The following HEYL variants were observed in gnomAD, a reference collection of about 807,000 sequenced individuals.
HEYL encodes the protein hes related family bHLH transcription factor with YRPW motif like.
HEYL carries 12 observed loss-of-function variants against 18.6 expected under a neutral mutation model. The observed-to-expected ratio is 0.65, with a 90% CI of 0.41 to 1.05. The LOEUF (loss-of-function observed/expected upper bound fraction) is 1.05. Ranked by LOEUF, HEYL falls within the 50% of genes least tolerant of loss-of-function variation. The pLI, the probability that HEYL is intolerant of heterozygous loss-of-function variation, is 0.00. For missense variants in HEYL, 420 were observed against 444.7 expected (o/e 0.94, Z 0.50); for synonymous variants, 159 against 179.6 (o/e 0.89, Z 0.91).
rs753530680 is a variant in HEYL, at chr1:39,632,636, G to A, written c.147+13C>T. The A allele has an allele frequency of 6.2e-7, 1 of 1,612,016 alleles. No individual in the cohort carries two copies. On this transcript the variant is annotated intron_variant, in intron 2 of 4. Transcript: ENST00000372852. The stretch of plus-strand genomic sequence containing the variant: ...CTTTGTTGGTCAACTCAGAGGCTGA[G>A]ACGGACACTCACCCCTCTGTGTTTC...
At chr1:39,632,615 G>A in intron 2 of HEYL, 34 bp downstream of exon 2, 1 of 1,588,050 alleles carries the variant, frequency 6.3e-7, no homozygotes, top group Non-Finnish European at 8.6e-7. Context: ...GCAACCCTTT[G>A]TTGGTCAACT....
intron 1 of HEYL, chr1:39,632,950 T>TCGC (rs1646343056): frequency 2.4e-5 from 24 of 984,746 alleles, no homozygotes; most frequent in Non-Finnish European, 2.7e-5. Context: ...TCCTCGCTCC[T>TCGC]CGCCCCTCGC....
intron 1 of HEYL, chr1:39,633,595 G>C (rs952510008): frequency 3.9e-5 from 6 of 152,342 alleles, no homozygotes; most frequent in African/African-American, 9.7e-5. Context: ...GGTGCACTCA[G>C]CCAGACCCCA....
At chr1:39,635,664 A>C (rs1427046628) in intron 1 of HEYL, among the ~76,000 whole-genome samples, 1 of 152,190 alleles carries the variant, frequency 6.6e-6, no homozygotes, top group Non-Finnish European at 1.5e-5. Context: ...AGGGAGCTAA[A>C]GCAGGTTGCC....
chr1:39,627,237 G>A, intron 4 of HEYL, 57 bp from the exon 5 acceptor site: 2 of 1,493,744 alleles, frequency 1.3e-6, no homozygotes, highest in Non-Finnish European at 1.8e-6. Flanking sequence ...CATGGAGCCT[G>A]GGTCTGACTG....
rs199521829 is a variant in HEYL at position 39,626,565 on chromosome 1, G to A, written c.929C>T (p.Ala310Val). ...SSSPGPAGRP[A>V]GAMLYHSWVS... The stretch of plus-strand genomic sequence containing the variant: ...CCAGGAGTGGTAGAGCATGGCTCCC[G>A]CTGGCCTCCCAGCTGGCCCTGGGGA... Residue 310 changes from alanine (A) to valine (V), a missense_variant, in exon 5 of 5, where the codon GCG becomes GTG. By Grantham distance (64) the Ala-to-Val change is moderately conservative. Coordinates refer to ENST00000372852, the MANE Select transcript of HEYL (RefSeq NM_014571.4). 2.5e-5 allele frequency: 39 copies of A among 1,550,150 alleles called. No homozygotes were observed. The African/African-American group carries it at 2.7e-4, about 11-fold the overall frequency.
Position 39,626,806 on chromosome 1 carries a change from GGAT to G in HEYL, c.685_687del (p.Ile229del). The stretch of plus-strand genomic sequence containing the variant: ...GGCAGCACATTCCTCCGGGCTGGCA[GGAT>G]GATGCCTGTGGCTCTGCGAAGGGGA... On this transcript the variant is annotated inframe_deletion, in exon 5 of 5. Transcript: ENST00000372852. 1 of 1,563,174 alleles carries G rather than the reference GGAT, an allele frequency of 6.4e-7. No individual in the cohort carries two copies. Among genetic ancestry groups the G allele is most frequent in the Non-Finnish European group, 8.7e-7 (1 of 1,153,402 alleles).
At chr1:39,630,754 A>T (rs941433865) in intron 3 of HEYL, among the ~76,000 whole-genome samples, 1 of 152,192 alleles carries the variant, frequency 6.6e-6, no homozygotes, top group Non-Finnish European at 1.5e-5. Context: ...TGTGCCCAAG[A>T]TCTAGCTCAT....
rs187334708 is a variant in HEYL, at chr1:39,632,535, C to T, written c.147+114G>A. ...TAGTGACAGAGCCGGGATTTGAACC[C>T]AAGCAGTTAGCTTCATGGTGAAATT... On this transcript the variant is annotated intron_variant, in intron 2 of 4. Coordinates refer to ENST00000372852, the MANE Select transcript of HEYL (RefSeq NM_014571.4). 4.1e-4 allele frequency: 384 copies of T among 940,246 alleles called. No homozygotes were observed. The African/African-American group carries it at 5.8e-3, about 14-fold the overall frequency. 58.2% of individuals were successfully genotyped at this position (940,246 alleles called of 1,614,324 possible). A position where few individuals can be genotyped will look rare whatever the true frequency, so the allele number is the denominator to read the frequency against.
chr1:39,630,963 A>C (rs913258343), intron 3 of HEYL, among the ~76,000 whole-genome samples: 5 of 152,166 alleles, frequency 3.3e-5, no homozygotes, highest in African/African-American at 1.2e-4. Context: ...AGCATAAAGG[A>C]AGGCAGAGGA....
Position 39,631,483 on chromosome 1 carries a change from C to A in HEYL, c.231+13G>T, listed in dbSNP as rs760616348. Reference sequence around the variant, plus strand: ...ACAGTATTTCCTCTAGCACAATCAGCAATGTCACATACCTGTTTCTCAAAG... The same window carrying A: ...ACAGTATTTCCTCTAGCACAATCAGAAATGTCACATACCTGTTTCTCAAAG... On this transcript the variant is annotated intron_variant, in intron 3 of 4. Coordinates refer to ENST00000372852, the MANE Select transcript of HEYL (RefSeq NM_014571.4). 2.5e-6 allele frequency: 4 copies of A among 1,611,930 alleles called. No individual in the cohort carries two copies. The South Asian group carries it at 3.3e-5, about 13-fold the overall frequency.
Position 39,626,573 on chromosome 1 carries a change from CCCAGCTG to C in HEYL, c.914_920del (p.Pro305ArgfsTer59). 6.4e-7 allele frequency: 1 copy of C among 1,551,764 alleles called. No homozygotes were observed. Among genetic ancestry groups the C allele is most frequent in the Non-Finnish European group, 8.7e-7 (1 of 1,148,078 alleles). ...GGTAGAGCATGGCTCCCGCTGGCCT[CCCAGCTG>C]GCCCTGGGGAGGATGAGTTGGGGGT... On this transcript the variant is annotated frameshift_variant, in exon 5 of 5. Coordinates refer to ENST00000372852, the MANE Select transcript of HEYL (RefSeq NM_014571.4). LOFTEE classifies it high-confidence loss of function.
intron 1 of HEYL, 196 bp from the exon 2 acceptor site, chr1:39,632,911 C>A (rs1646342307): frequency 4.1e-6 from 4 of 985,398 alleles, no homozygotes; most frequent in Non-Finnish European, 4.8e-6. Context: ...TTGGTCCGGA[C>A]CTGCTCGGCC....
chr1:39,629,641 G>A (rs1433776794), intron 4 of HEYL, among the ~76,000 whole-genome samples: 1 of 152,248 alleles, frequency 6.6e-6, no homozygotes, highest in Admixed American at 6.5e-5. Flanking sequence ...CAAATACACA[G>A]AGAAACTTTG....
At position 39,626,996 on chromosome 1, in the gene HEYL, GGGCGTGGGC is replaced by G; in HGVS notation, c.489_497del (p.Pro164_Pro166del). The G allele has an allele frequency of 6.2e-7, 1 of 1,614,046 alleles. No homozygotes were observed. Among genetic ancestry groups the G allele is most frequent in the Non-Finnish European group, 8.5e-7 (1 of 1,180,006 alleles). ...AGGCAGGGAAGGCCAAAGGGCCAGT[GGGCGTGGGC>G]GAAGGCTCCATCTCGGCTGCGTAGC... On this transcript the variant is annotated inframe_deletion, in exon 5 of 5. Transcript: ENST00000372852.
Position 39,627,149 on chromosome 1 carries a change from G to T in HEYL, c.345C>A (p.Asp115Glu). Residue 115 changes from aspartate to glutamate, a missense_variant, in exon 5 of 5, where the codon GAC (aspartate) becomes GAA (glutamate). Asp to Glu is a conservative substitution (Grantham distance 45, BLOSUM62 2). Transcript: ENST00000372852. ...ACTCCCGAAAACCAATGCTCCGGAA[G>T]TCAACTGCCAGGGCTCGGGCATCAA... ...GFFDARALAVDFRSIGFRECL... is the reference protein window; with the variant it reads ...GFFDARALAVEFRSIGFRECL... 1 of 1,613,290 alleles carries T rather than the reference G, an allele frequency of 6.2e-7. No individual in the cohort carries two copies. Among genetic ancestry groups the T allele is most frequent in the Non-Finnish European group, 8.5e-7 (1 of 1,179,322 alleles).
At chr1:39,630,052 G>A (rs1646323591) in intron 4 of HEYL, among the ~76,000 whole-genome samples, 175 bp downstream of exon 4, 2 of 152,244 alleles carry the variant, frequency 1.3e-5, no homozygotes, top group Admixed American at 6.5e-5. Context: ...TGGAGACACT[G>A]AAAGTGGAGA....
At chr1:39,627,455 TA>T (rs1345057504) in intron 4 of HEYL, among the ~76,000 whole-genome samples, 1 of 152,240 alleles carries the variant, frequency 6.6e-6, no homozygotes, top group Non-Finnish European at 1.5e-5. Flanking sequence ...AATTCATGAT[TA>T]ATGCAAAGAA....
At chr1:39,632,747 G>A (rs756916218) in intron 1 of HEYL, 32 bp from the exon 2 acceptor site, 6 of 1,612,766 alleles carry the variant, frequency 3.7e-6, no homozygotes, top group Admixed American at 3.3e-5. Context: ...GATTTTTCAG[G>A]GCTGGGGGAC....
Sources: gnomAD v4.1 joint callset for allele counts (sites outside exome capture counted in the v4.1 genomes callset) on GRCh38, gnomAD v4.1.1 for gene constraint, MANE v1.5 for transcripts, NCBI Gene and HGNC (gene_info 2026-07-23, HGNC 2026-07-21) for gene names.